Variants in PRR5 observed in about 807,000 individuals in gnomAD.
The protein encoded by PRR5 is proline rich 5.
A neutral mutation model predicts 30.6 loss-of-function variants in PRR5; 25 were observed. The ratio of observed to expected loss-of-function variants is 0.82; its 90% CI spans 0.60 to 1.14. PRR5 has a LOEUF of 1.14. Ranked by LOEUF, PRR5 falls within the 50% of genes most tolerant of loss-of-function variation. The probability of loss-of-function intolerance (pLI) is 0.00; values close to 1 mark genes in which losing one functional copy is unlikely to be tolerated. For missense variants in PRR5, 600 were observed against 547.1 expected, an observed-to-expected ratio of 1.10 and a Z score of -0.96; for synonymous variants, 286 against 247.1, an observed-to-expected ratio of 1.16 and a Z score of -1.48.
intron 1 of PRR5, among the ~76,000 whole-genome samples, chr22:44,705,571 C>T (rs1008522022): frequency 6.6e-6 from 1 of 151,696 alleles, no homozygotes; most frequent in Non-Finnish European, 1.5e-5. Context: ...GTGATCTGCC[C>T]ACCTCGGCCT....
chr22:44,719,617 G>T (rs6006852), intron 2 of PRR5, among the ~76,000 whole-genome samples: 1 of 152,030 alleles, frequency 6.6e-6, no homozygotes, highest in African/African-American at 2.4e-5. Context: ...TGTGTTGTCC[G>T]TGCAGAATAC....
chr22:44,684,474 G>C (rs1159242767), intron 1 of PRR5, among the ~76,000 whole-genome samples: 3 of 152,198 alleles, frequency 2.0e-5, no homozygotes, highest in African/African-American at 4.8e-5. Flanking sequence ...TTGAACCTGG[G>C]AGGTGGAGGT....
intron 2 of PRR5, among the ~76,000 whole-genome samples, chr22:44,720,639 A>AT (rs1341276754): frequency 6.6e-6 from 1 of 152,202 alleles, no homozygotes; most frequent in Non-Finnish European, 1.5e-5. Context: ...CTTCGGCAGC[A>AT]TTCCTGGCCA....
At chr22:44,709,273 C>T (rs1444436906) in intron 1 of PRR5, among the ~76,000 whole-genome samples, 3 of 152,164 alleles carry the variant, frequency 2.0e-5, no homozygotes, top group Admixed American at 2.0e-4. Flanking sequence ...GCCCTAGTTC[C>T]CAGAACCTGT....
intron 2 of PRR5, among the ~76,000 whole-genome samples, chr22:44,722,736 C>T (rs1250244525): frequency 3.3e-5 from 5 of 152,164 alleles, no homozygotes. Flanking sequence ...GAGAGCTGAC[C>T]GGAGCAGGAA....
At chr22:44,736,626 G>A (rs56135808) in intron 7 of PRR5, 146 bp from the exon 8 acceptor site, 147,222 of 1,356,354 alleles carry the variant, frequency 0.11, 9,875 homozygotes, top group East Asian at 0.3. Context: ...GGCTTGTGGC[G>A]GTGGGACCTG....
chr22:44,690,585 C>T (rs1272389559), intron 1 of PRR5, among the ~76,000 whole-genome samples: 2 of 152,154 alleles, frequency 1.3e-5, no homozygotes, highest in African/African-American at 4.8e-5. Flanking sequence ...ATTCTCATTT[C>T]ACAGATGGGG....
chr22:44,681,655 C>T (rs931903519), intron 1 of PRR5, among the ~76,000 whole-genome samples: 2 of 151,968 alleles, frequency 1.3e-5, no homozygotes, highest in Non-Finnish European at 2.9e-5. Context: ...AGTGCAGGCA[C>T]AGCTCTGGGG....
chr22:44,687,568 G>T (rs1924862875), intron 1 of PRR5, among the ~76,000 whole-genome samples: 1 of 151,860 alleles, frequency 6.6e-6, no homozygotes, highest in African/African-American at 2.4e-5. Context: ...ATTGTCAGTG[G>T]GTAGATCTTT....
At chr22:44,706,266 C>G (rs188161513) in intron 1 of PRR5, among the ~76,000 whole-genome samples, 180 of 152,276 alleles carry the variant, frequency 1.2e-3, no homozygotes, top group East Asian at 2.9e-3. Context: ...TTGATTGATT[C>G]ATTCATTCAT....
intron 1 of PRR5, among the ~76,000 whole-genome samples, chr22:44,705,998 C>G (rs1246261137): frequency 1.3e-5 from 2 of 152,126 alleles, no homozygotes; most frequent in African/African-American, 4.8e-5. Flanking sequence ...CAGGGTTTCA[C>G]CGTGTTGGCC....
Position 44,737,245 on chromosome 22 carries a change from T to C in PRR5, c.1165T>C (p.Ter389ArgextTer?), listed in dbSNP as rs1233913350. The change falls in exon 8 of 8, where the codon TGA (stop) becomes CGA (arginine). Residue 389 changes from the stop codon to arginine (R), a stop_lost. Coordinates refer to ENST00000336985, the MANE Select transcript of PRR5 (RefSeq NM_181333.4). ...EGSGGRQSVV[*>R] is the part of the protein sequence containing the mutation. ...CTCTGGGGGCCGGCAGAGTGTCGTGTGAGGCCTCACAGCTGGCCTTGAGTT... is the reference window on the plus strand; with the variant it reads ...CTCTGGGGGCCGGCAGAGTGTCGTGCGAGGCCTCACAGCTGGCCTTGAGTT... 1 of 1,596,770 alleles carries C rather than the reference T, an allele frequency of 6.3e-7. No individual in the cohort carries two copies. The highest frequency in any genetic ancestry group is 8.6e-7 in the Non-Finnish European group (1 of 1,168,482).
chr22:44,699,809 GC>G (rs1469792062), upstream of PRR5, among the ~76,000 whole-genome samples: 1 of 152,240 alleles, frequency 6.6e-6, no homozygotes, highest in Non-Finnish European at 1.5e-5. Flanking sequence ...CAGCTGGAGG[GC>G]AAGCAGGTCT....
At chr22:44,708,588 C>A (rs1002008488) in intron 1 of PRR5, among the ~76,000 whole-genome samples, 7 of 152,078 alleles carry the variant, frequency 4.6e-5, no homozygotes, top group African/African-American at 1.7e-4. Context: ...CTGTACCGGG[C>A]CCTATGGATG....
At chr22:44,696,964 T>C (rs565803985) in intron 1 of PRR5, among the ~76,000 whole-genome samples, 191 of 152,244 alleles carry the variant, frequency 1.3e-3, no homozygotes, top group Non-Finnish European at 6.0e-4. Context: ...CTCCAACTCC[T>C]GACCTCAGGT....
intron 1 of PRR5, among the ~76,000 whole-genome samples, chr22:44,713,827 G>C (rs190329884): frequency 6.6e-6 from 1 of 152,140 alleles, no homozygotes; most frequent in Non-Finnish European, 1.5e-5. Context: ...TTTTTGAGAC[G>C]GACTGTTGCT....
At chr22:44,684,275 G>T (rs1189498904) in intron 1 of PRR5, among the ~76,000 whole-genome samples, 1 of 152,220 alleles carries the variant, frequency 6.6e-6, no homozygotes, top group East Asian at 1.9e-4. Flanking sequence ...AGGCGCGGTG[G>T]CTTATACCTG....
At position 44,684,085 on chromosome 22, in the gene PRR5, C is replaced by T. The variant is rs150596276; in HGVS notation, c.-11+6845C>T. 6.1e-4 allele frequency among the ~76,000 whole-genome samples: 93 copies of T among 152,236 alleles called. No individual in the cohort carries two copies. In the East Asian group the frequency reaches 0.01, roughly 17 times the overall value. Reference sequence around the variant, plus strand: ...AATTGATTGAGGGTCCAGGAGGGCCCGGGCCAGAGGGGTGGGCTGAGGAGG... The same window carrying T: ...AATTGATTGAGGGTCCAGGAGGGCCTGGGCCAGAGGGGTGGGCTGAGGAGG... On this transcript the variant is annotated intron_variant, in intron 1 of 8. Transcript: ENST00000006251.
At chr22:44,668,946 G>T (rs1351538555) in intron 1 of PRR5, 1 of 150,068 alleles carries the variant, frequency 6.7e-6, no homozygotes, top group Non-Finnish European at 1.5e-5. Flanking sequence ...GTGTGCGCGC[G>T]TAGGTGCGCG....
Sources: allele counts gnomAD v4.1 joint callset (sites outside exome capture counted in the v4.1 genomes callset), GRCh38; gene constraint gnomAD v4.1.1; transcripts MANE v1.5; gene names NCBI Gene and HGNC (gene_info 2026-07-23, HGNC 2026-07-21).